FER1L6: variants seen among roughly 807,000 people sequenced by gnomAD.
FER1L6 encodes fer-1-like protein 6.
Under a neutral mutation model 219.2 loss-of-function variants are expected in FER1L6, and 177 were observed. The ratio of observed to expected loss-of-function variants is 0.81; its 90% CI spans 0.71 to 0.91. The LOEUF (loss-of-function observed/expected upper bound fraction) is 0.91, where lower values mean the gene tolerates loss of function less well. FER1L6 is among the 40% of genes least tolerant of loss of function. FER1L6 has a pLI of 0.00. For synonymous variants in FER1L6, 768 were observed against 824.3 expected, an observed-to-expected ratio of 0.93 and a Z score of 1.17; for missense variants, 2,153 against 2,259.9, an observed-to-expected ratio of 0.95 and a Z score of 0.96.
At position 124,094,960 on chromosome 8, in the gene FER1L6, G is replaced by A. The variant is rs6470219; in HGVS notation, c.4617G>A (p.Pro1539=). 1,336,274 of 1,613,290 alleles carry A rather than the reference G, an allele frequency of 0.83. 557,373 individuals are homozygous for A. The highest frequency in any genetic ancestry group is 0.85 in the Non-Finnish European group (1,007,102 of 1,179,696). The change falls in exon 35 of 41, where the codon CCG becomes CCA. Residue 1539 remains proline, a synonymous_variant. Coordinates refer to ENST00000522917, the MANE Select transcript of FER1L6 (RefSeq NM_001039112.2). ...LKVLHSWEDI[P]EVGCRLVPEH... ...TTTTACACTCTTGGGAGGATATCCC[G>A]GAAGTCGGGTGTAGGCTGGTTCCTG...
chr8:123,951,361 T>C (rs1814757371), intron 1 of FER1L6, among the ~76,000 whole-genome samples: 1 of 152,182 alleles, frequency 6.6e-6, no homozygotes, highest in African/African-American at 2.4e-5. Flanking sequence ...GAACATTGAA[T>C]AGGTAAGTTT....
Position 123,963,418 on chromosome 8 carries a change from G to T in FER1L6, c.197+20G>T. ...GAGAAGGTACAGTATGGATGCAGGT[G>T]GTCAACACACATTTGCTGAGCATCT... On this transcript the variant is annotated intron_variant, in intron 3 of 40. Transcript: ENST00000522917. 1.2e-6 allele frequency: 2 copies of T among 1,613,366 alleles called. No homozygotes were observed. Among genetic ancestry groups the T allele is most frequent in the South Asian group, 2.2e-5 (2 of 90,982 alleles).
At chr8:123,926,360 C>T (rs966068756) in intron 1 of FER1L6, among the ~76,000 whole-genome samples, 1 of 152,154 alleles carries the variant, frequency 6.6e-6, no homozygotes. Context: ...GTCCACGTGG[C>T]CTGGAAGTAG....
chr8:123,865,704 T>G (rs1816824122), intron 1 of FER1L6, among the ~76,000 whole-genome samples: 1 of 149,570 alleles, frequency 6.7e-6, no homozygotes, highest in South Asian at 2.1e-4. Context: ...TTTAAGCCGG[T>G]CTGAAAAGCG....
At chr8:124,108,298 T>C (rs1286421796) in intron 39 of FER1L6, among the ~76,000 whole-genome samples, 1 of 152,090 alleles carries the variant, frequency 6.6e-6, no homozygotes, top group Non-Finnish European at 1.5e-5. Context: ...AACTTTACTA[T>C]GAGCCTCAGC....
chr8:124,040,451 C>G (rs1049224282), intron 20 of FER1L6: 20 of 203,282 alleles, frequency 9.8e-5, no homozygotes, highest in African/African-American at 3.9e-4. Context: ...AGCTGGGGAG[C>G]TTCGCATGCT....
At chr8:123,987,893 C>T (rs907640609) in intron 12 of FER1L6, among the ~76,000 whole-genome samples, 3 of 152,092 alleles carry the variant, frequency 2.0e-5, no homozygotes, top group South Asian at 2.1e-4. Context: ...AGGCGGATCA[C>T]GAGGTCAGGA....
At chr8:124,101,007 C>T (rs1029539815) in intron 37 of FER1L6, 90 bp from the exon 38 acceptor site, 5 of 1,206,448 alleles carry the variant, frequency 4.1e-6, no homozygotes, top group Non-Finnish European at 3.6e-6. Context: ...TGCTCTGTGA[C>T]CACATTGAAA....
chr8:124,097,359 G>T lies in FER1L6; in HGVS notation c.4784G>T (p.Gly1595Val). ...PVDISPRRPK[G>V]YELRVTIWNT... ...GACATCTCTCCAAGGCGACCCAAAG[G>T]GTATGTCAGCTGTAGCCCCAGCTTC... is the stretch of plus-strand genomic sequence containing the variant. Residue 1595 changes from glycine to valine, a missense_variant and splice_region_variant, in exon 36 of 41, where the codon GGA becomes GTA. By Grantham distance (109) the Gly-to-Val change is moderately radical (BLOSUM62 -3). Transcript: ENST00000522917. 1 of 1,608,906 alleles carries T rather than the reference G, an allele frequency of 6.2e-7. No individual in the cohort carries two copies. The highest frequency in any genetic ancestry group is 8.5e-7 in the Non-Finnish European group (1 of 1,175,992).
intron 33 of FER1L6, among the ~76,000 whole-genome samples, chr8:124,085,475 T>C (rs1043980417): frequency 1.4e-4 from 21 of 151,908 alleles, no homozygotes; most frequent in African/African-American, 5.1e-4. Context: ...ATTTCTTCAT[T>C]GTCCCACTGG....
chr8:123,956,212 T>C, intron 2 of FER1L6, 138 bp downstream of exon 2: 1 of 793,204 alleles, frequency 1.3e-6, no homozygotes, highest in Non-Finnish European at 2.1e-6. Context: ...TTTAGGTCCT[T>C]CTAGTCACAG....
chr8:123,860,338 C>G (rs1166756770), intron 1 of FER1L6, among the ~76,000 whole-genome samples: 1 of 117,396 alleles, frequency 8.5e-6, no homozygotes, highest in African/African-American at 3.7e-5. Flanking sequence ...GCATAGTATT[C>G]TATGGTGTAT....
intron 13 of FER1L6, among the ~76,000 whole-genome samples, chr8:124,006,201 T>C (rs537018944): frequency 6.6e-5 from 10 of 152,324 alleles, no homozygotes; most frequent in African/African-American, 2.2e-4. Flanking sequence ...AGACATTCTC[T>C]ACCTTGATGG....
At chr8:123,916,890 T>C (rs1813206375) in intron 1 of FER1L6, among the ~76,000 whole-genome samples, 2 of 152,132 alleles carry the variant, frequency 1.3e-5, no homozygotes, top group Non-Finnish European at 2.9e-5. Flanking sequence ...GGCACTTTGA[T>C]AGGTTGATAC....
intron 3 of FER1L6, among the ~76,000 whole-genome samples, chr8:123,964,039 G>T (rs1815420836): frequency 6.6e-6 from 1 of 152,194 alleles, no homozygotes; most frequent in African/African-American, 2.4e-5. Context: ...GCTGAGACCG[G>T]CTGTTCTCTG....
At chr8:123,968,107 T>C (rs1423110227) in intron 5 of FER1L6, among the ~76,000 whole-genome samples, 1 of 152,212 alleles carries the variant, frequency 6.6e-6, no homozygotes, top group Non-Finnish European at 1.5e-5. Context: ...TCTGCGCCTC[T>C]GACTATAAAT....
chr8:123,986,186 G>A lies in FER1L6; in HGVS notation c.1519+10G>A. On this transcript the variant is annotated intron_variant, in intron 12 of 40. Transcript: ENST00000522917. The stretch of plus-strand genomic sequence containing the variant: ...TTTGAAGTTTCTATTGGTAAGTACA[G>A]ATAAGCACAGTGCCAGGCACATAGC... The A allele has an allele frequency of 6.7e-7, 1 of 1,485,350 alleles. No individual in the cohort carries two copies. The highest frequency in any genetic ancestry group is 9.4e-7 in the Non-Finnish European group (1 of 1,063,436). The allele number at this position is 1,485,350 out of a possible 1,614,324, so 92.0% of individuals were successfully genotyped here.
At chr8:123,975,022 C>A in intron 7 of FER1L6, 128 bp from the exon 8 acceptor site, 1 of 784,762 alleles carries the variant, frequency 1.3e-6, no homozygotes, top group Non-Finnish European at 1.9e-6. Flanking sequence ...TTGGAAAAAA[C>A]TGAGATGATT....
chr8:123,882,814 T>C (rs936300559), intron 1 of FER1L6, among the ~76,000 whole-genome samples: 4 of 152,160 alleles, frequency 2.6e-5, no homozygotes, highest in African/African-American at 9.7e-5. Flanking sequence ...CAAATGTCAT[T>C]ATACATCAAT....
Sources: allele counts gnomAD v4.1 joint callset (sites outside exome capture counted in the v4.1 genomes callset), GRCh38; gene constraint gnomAD v4.1.1; transcripts MANE v1.5; gene names NCBI Gene and HGNC (gene_info 2026-07-23, HGNC 2026-07-21).